The following GOLGA4 variants were observed in gnomAD, a reference collection of about 807,000 sequenced individuals.
GOLGA4 encodes golgin subfamily A member 4.
A neutral mutation model predicts 265.9 loss-of-function variants in GOLGA4; 169 were observed. The ratio of observed to expected loss-of-function variants is 0.64; its 90% CI spans 0.56 to 0.72. GOLGA4 has a LOEUF of 0.72. GOLGA4 is among the 30% of genes least tolerant of loss of function. The probability of loss-of-function intolerance (pLI) is 0.00; values close to 1 mark genes in which losing one functional copy is unlikely to be tolerated. For missense variants in GOLGA4, 2,482 were observed against 2,483.4 expected, an observed-to-expected ratio of 1.00 and a Z score of 0.01; for synonymous variants, 923 against 855.8, an observed-to-expected ratio of 1.08 and a Z score of -1.37.
At chr3:37,269,834 GT>G (rs2150709755) in intron 2 of GOLGA4, among the ~76,000 whole-genome samples, 1 of 143,176 alleles carries the variant, frequency 7.0e-6, no homozygotes, top group Non-Finnish European at 1.5e-5. Flanking sequence ...GTTTTTAAAT[GT>G]TGTTCTCTGT....
chr3:37,356,483 C>T (rs1273009828), intron 22 of GOLGA4, among the ~76,000 whole-genome samples: 1 of 152,126 alleles, frequency 6.6e-6, no homozygotes, highest in Non-Finnish European at 1.5e-5. Flanking sequence ...AAAAATCCCT[C>T]CTCTGCCACT....
At chr3:37,277,845 G>A (rs1330171859) in intron 2 of GOLGA4, among the ~76,000 whole-genome samples, 1 of 151,932 alleles carries the variant, frequency 6.6e-6, no homozygotes, top group Non-Finnish European at 1.5e-5. Context: ...TCTGCATTCT[G>A]TCAGGCACCC....
rs774809960 is a variant in GOLGA4, at chr3:37,327,746, C to T, written c.5860C>T (p.Arg1954Ter). 1.9e-6 allele frequency: 3 copies of T among 1,612,076 alleles called. No individual in the cohort carries two copies. The highest frequency in any genetic ancestry group is 8.5e-7 in the Non-Finnish European group (1 of 1,178,510). ...KEIVRLQKDL[R>*]MLRKEHQQEL... ...GATTGTTAGATTGCAGAAAGACCTTCGAATGTTGAGAAAGGAGCATCAGCA... is the reference window on the plus strand; with the variant it reads ...GATTGTTAGATTGCAGAAAGACCTTTGAATGTTGAGAAAGGAGCATCAGCA... Residue 1954 changes from arginine to a stop codon, truncating the protein, a stop_gained, in exon 14 of 24, where the codon CGA (arginine) becomes TGA (stop). Transcript: ENST00000361924. LOFTEE classifies it high-confidence loss of function.
intron 23 of GOLGA4, among the ~76,000 whole-genome samples, chr3:37,364,776 G>C (rs1696620138): frequency 6.6e-6 from 1 of 151,256 alleles, no homozygotes; most frequent in South Asian, 2.1e-4. Flanking sequence ...AAAGTTTGTA[G>C]ATACAGGGTC....
chr3:37,327,234 C>G lies in GOLGA4; in HGVS notation c.5348C>G (p.Ala1783Gly). 3 of 1,613,790 alleles carry G rather than the reference C, an allele frequency of 1.9e-6. No individual in the cohort carries two copies. Among genetic ancestry groups the G allele is most frequent in the Non-Finnish European group, 2.5e-6 (3 of 1,179,816 alleles). Residue 1783 changes from alanine to glycine, a missense_variant, in exon 14 of 24, where the codon GCT (alanine) becomes GGT (glycine). Physicochemically the swap from Ala to Gly is moderately conservative, Grantham distance 60. Coordinates refer to ENST00000361924, the MANE Select transcript of GOLGA4 (RefSeq NM_002078.5). Reference protein sequence around the residue: ...YQERLIKLEHAEAKQHEDQSM... With the variant: ...YQERLIKLEHGEAKQHEDQSM... Reference sequence around the variant, plus strand: ...GAGCGCTTAATAAAGCTAGAACATGCTGAGGCAAAGCAACATGAAGATCAA... The same window carrying G: ...GAGCGCTTAATAAAGCTAGAACATGGTGAGGCAAAGCAACATGAAGATCAA...
At chr3:37,247,811 C>T (rs888032683) in intron 1 of GOLGA4, among the ~76,000 whole-genome samples, 1 of 152,158 alleles carries the variant, frequency 6.6e-6, no homozygotes, top group Non-Finnish European at 1.5e-5. Context: ...GCCTTCATTT[C>T]TTGCTGACCA....
At chr3:37,337,582 C>G in intron 18 of GOLGA4, 84 bp from the exon 19 acceptor site, 1 of 876,640 alleles carries the variant, frequency 1.1e-6, no homozygotes, top group East Asian at 2.5e-5. Context: ...AAAAGACTAA[C>G]AAAAATTTCC....
chr3:37,316,110 C>G (rs1279345057), intron 11 of GOLGA4, among the ~76,000 whole-genome samples: 3 of 151,856 alleles, frequency 2.0e-5, no homozygotes, highest in Admixed American at 2.0e-4. Context: ...TTTAAAATCC[C>G]ATAGATTTTC....
At chr3:37,359,439 T>G (rs1437299293) in intron 22 of GOLGA4, among the ~76,000 whole-genome samples, 3 of 152,206 alleles carry the variant, frequency 2.0e-5, no homozygotes, top group Non-Finnish European at 4.4e-5. Context: ...AAAGTTTTCT[T>G]AGACATTTTT....
At position 37,325,550 on chromosome 3, in the gene GOLGA4, A is replaced by G. The variant is rs757433351; in HGVS notation, c.3664A>G (p.Lys1222Glu). The change falls in exon 14 of 24, where the codon AAG becomes GAG. Residue 1222 changes from lysine (K) to glutamate (E), a missense_variant. Transcript: ENST00000361924. Reference protein sequence around the residue: ...ELAIQLDICCKKTEALLEAKT... With the variant: ...ELAIQLDICCEKTEALLEAKT... ...AGCGATTCAGCTAGATATTTGCTGT[A>G]AGAAAACCGAAGCCTTATTAGAAGC... is the stretch of plus-strand genomic sequence containing the variant. 94 of 1,613,572 alleles carry G rather than the reference A, an allele frequency of 5.8e-5. No individual in the cohort carries two copies. Among genetic ancestry groups the G allele is most frequent in the Non-Finnish European group, 6.9e-5 (81 of 1,179,736 alleles).
chr3:37,335,438 C>T (rs2097007627), intron 17 of GOLGA4, among the ~76,000 whole-genome samples: 1 of 152,140 alleles, frequency 6.6e-6, no homozygotes, highest in South Asian at 2.1e-4. Context: ...CAGTGCTTCT[C>T]CATCTTTTCC....
chr3:37,347,363 A>G, intron 21 of GOLGA4, 67 bp downstream of exon 21: 1 of 859,446 alleles, frequency 1.2e-6, no homozygotes, highest in Non-Finnish European at 2.0e-6. Context: ...CACTTTTAAT[A>G]CACATGTGAA....
intron 3 of GOLGA4, among the ~76,000 whole-genome samples, 184 bp downstream of exon 3, chr3:37,282,456 G>T (rs2096837405): frequency 6.6e-6 from 1 of 152,196 alleles, no homozygotes; most frequent in African/African-American, 2.4e-5. Flanking sequence ...GTTAAGTAAA[G>T]ACAGAGGCCC....
chr3:37,312,310 C>T (rs963195354), intron 10 of GOLGA4, among the ~76,000 whole-genome samples: 1 of 152,202 alleles, frequency 6.6e-6, no homozygotes, highest in African/African-American at 2.4e-5. Context: ...CATAATTAGT[C>T]ACTTTACTTG....
intron 2 of GOLGA4, chr3:37,275,966 G>A: frequency 7.4e-6 from 12 of 1,613,366 alleles, no homozygotes; most frequent in Non-Finnish European, 1.0e-5. Flanking sequence ...AAAGAAGAAA[G>A]AACCTGCAAT....
At position 37,296,115 on chromosome 3, in the gene GOLGA4, A is replaced by G. The variant is rs930536046; in HGVS notation, c.710A>G (p.Asn237Ser). 27 of 1,613,786 alleles carry G rather than the reference A, an allele frequency of 1.7e-5. No individual in the cohort carries two copies. The highest frequency in any genetic ancestry group is 2.2e-5 in the Non-Finnish European group (26 of 1,179,770). ...TCTCTACTGAAACAACGATTACGAA[A>G]TGGCCCGATGAATGTTGATGTACTG... ...QVSLLKQRLR[N>S]GPMNVDVLKP... is the part of the protein sequence containing the mutation. Residue 237 changes from asparagine (N) to serine (S), a missense_variant, in exon 7 of 24, where the codon AAT (asparagine) becomes AGT (serine). This residue lies in a region of GOLGA4 where 1,536 missense variants were observed against 1,483.7 expected (regional missense o/e 1.04). Coordinates refer to ENST00000361924, the MANE Select transcript of GOLGA4 (RefSeq NM_002078.5).
intron 10 of GOLGA4, among the ~76,000 whole-genome samples, chr3:37,312,989 G>A (rs1479201919): frequency 6.6e-6 from 1 of 152,084 alleles, no homozygotes; most frequent in Non-Finnish European, 1.5e-5. Context: ...CGGATCACGA[G>A]GTCAGGAGTT....
chr3:37,279,229 C>T (rs889303744), intron 2 of GOLGA4, among the ~76,000 whole-genome samples: 1 of 152,162 alleles, frequency 6.6e-6, no homozygotes, highest in East Asian at 1.9e-4. Flanking sequence ...CATCCCTAAT[C>T]CAGAAATCTG....
chr3:37,283,492 T>C (rs2096840166), intron 3 of GOLGA4, among the ~76,000 whole-genome samples: 1 of 152,174 alleles, frequency 6.6e-6, no homozygotes, highest in South Asian at 2.1e-4. Flanking sequence ...TATTTACGTA[T>C]GCTAGATACT....
Sources: allele counts gnomAD v4.1 joint callset (sites outside exome capture counted in the v4.1 genomes callset), GRCh38; gene constraint gnomAD v4.1.1; regional missense constraint gnomAD v4.1.1; transcripts MANE v1.5; gene names NCBI Gene and HGNC (gene_info 2026-07-23, HGNC 2026-07-21).